The following HLCS variants were observed in gnomAD, a reference collection of about 807,000 sequenced individuals.
The protein encoded by HLCS is biotin--protein ligase.
Under a neutral mutation model 75.0 loss-of-function variants are expected in HLCS, and 53 were observed. The observed-to-expected ratio is 0.71, with a 90% CI of 0.57 to 0.89. HLCS has a LOEUF of 0.89. Among genes scored for constraint, HLCS ranks in the 40% least tolerant of loss-of-function variants. HLCS has a pLI of 0.00. For missense variants in HLCS, 966 were observed against 1,074.0 expected, an observed-to-expected ratio of 0.90 and a Z score of 1.41; for synonymous variants, 431 against 428.6, an observed-to-expected ratio of 1.01 and a Z score of -0.07.
chr21:36,853,358 T>C (rs1418892756), intron 6 of HLCS, among the ~76,000 whole-genome samples: 1 of 152,118 alleles, frequency 6.6e-6, no homozygotes, highest in African/African-American at 2.4e-5. Flanking sequence ...GGTGTAACTA[T>C]GGAAGGAAGT....
At chr21:36,873,192 A>T (rs1435682066) in intron 6 of HLCS, among the ~76,000 whole-genome samples, 2 of 151,678 alleles carry the variant, frequency 1.3e-5, no homozygotes, top group Non-Finnish European at 2.9e-5. Flanking sequence ...ATCTCGACTC[A>T]CTGCAACCTC....
chr21:36,858,081 C>T (rs1181594478), intron 6 of HLCS, among the ~76,000 whole-genome samples: 1 of 152,126 alleles, frequency 6.6e-6, no homozygotes, highest in African/African-American at 2.4e-5. Flanking sequence ...AGCCACTGCG[C>T]CTGGCCAGGA....
chr21:36,925,648 G>C (rs956250326), intron 5 of HLCS, among the ~76,000 whole-genome samples: 1 of 152,162 alleles, frequency 6.6e-6, no homozygotes, highest in Non-Finnish European at 1.5e-5. Context: ...GGTGGAGGGT[G>C]GGGGGCTGGC....
intron 6 of HLCS, among the ~76,000 whole-genome samples, chr21:36,834,389 G>A (rs1248829525): frequency 6.6e-6 from 1 of 152,208 alleles, no homozygotes. Context: ...GCATGTCCAA[G>A]TGTGACCAAG....
rs536676467 is a variant in HLCS at position 36,749,790 on chromosome 21, A to G, written c.*4456T>C. 2.0e-5 allele frequency: 3 copies of G among 152,288 alleles called. No homozygotes were observed. In the East Asian group the frequency reaches 5.8e-4, roughly 29 times the overall value. The allele number at this position is 152,288 out of a possible 1,614,324, so 9.4% of individuals were successfully genotyped here. A position where few individuals can be genotyped will look rare whatever the true frequency, so the allele number is the denominator to read the frequency against. On this transcript the variant is annotated 3_prime_UTR_variant, in exon 11 of 11. Transcript: ENST00000674895. ...GACATTTTTCAATAAAGTACTGCAAAATGCTTTTGTGTCTACCTTGTTATT... is the reference window on the plus strand; with the variant it reads ...GACATTTTTCAATAAAGTACTGCAAGATGCTTTTGTGTCTACCTTGTTATT...
intron 5 of HLCS, among the ~76,000 whole-genome samples, chr21:36,925,486 G>A (rs1310315814): frequency 6.6e-6 from 1 of 152,168 alleles, no homozygotes; most frequent in Non-Finnish European, 1.5e-5. Flanking sequence ...AGTTCCCCAA[G>A]GTAAAGGTGC....
rs566409309 is a variant in HLCS, at chr21:36,927,066, T to C, written c.1620+3185A>G. ...TGGCCCAGTCTTCTTTCTACGGAGA[T>C]AGGTGTGTGGTAAACGTGTGTTTGT... On this transcript the variant is annotated intron_variant, in intron 5 of 10. Transcript: ENST00000674895. 4.6e-5 allele frequency among the ~76,000 whole-genome samples: 7 copies of C among 152,298 alleles called. No individual in the cohort carries two copies. The East Asian group carries it at 7.7e-4, about 17-fold the overall frequency.
In HLCS at chr21:36,759,807, A is replaced by G; in HGVS notation, c.2156T>C (p.Ile719Thr). 1 of 1,613,436 alleles carries G rather than the reference A, an allele frequency of 6.2e-7. No individual in the cohort carries two copies. The highest frequency in any genetic ancestry group is 8.5e-7 in the Non-Finnish European group (1 of 1,179,346). Residue 719 changes from isoleucine to threonine, a missense_variant, in exon 9 of 11, where the codon ATT becomes ACT. Ile to Thr is a moderately conservative substitution (Grantham distance 89). Transcript: ENST00000674895. ...GATCTTCATGAGGTCACTGTAATAA[A>G]TATCGTTGGGCCACTTCACTCGTAA... ...INLRVKWPND[I>T]YYSDLMKIGG... is the part of the protein sequence containing the mutation.
intron 6 of HLCS, among the ~76,000 whole-genome samples, chr21:36,875,498 C>T (rs1278632107): frequency 1.3e-5 from 2 of 152,212 alleles, no homozygotes; most frequent in Admixed American, 1.3e-4. Flanking sequence ...AAAGGAGCTA[C>T]CCACCATGGG....
chr21:36,963,870 G>A (rs963942416), intron 1 of HLCS, among the ~76,000 whole-genome samples: 5 of 152,130 alleles, frequency 3.3e-5, no homozygotes, highest in African/African-American at 9.7e-5. Context: ...TTGATTGTAG[G>A]GCATTCAATT....
At chr21:36,818,958 G>T (rs892896257) in intron 6 of HLCS, among the ~76,000 whole-genome samples, 3 of 152,038 alleles carry the variant, frequency 2.0e-5, no homozygotes, top group Non-Finnish European at 2.9e-5. Flanking sequence ...AACAGCACAG[G>T]GTATGGCTGG....
rs2089317759 is a variant in HLCS at position 36,749,979 on chromosome 21, G to A, written c.*4267C>T. The A allele has an allele frequency of 6.6e-6, 1 of 152,194 alleles. No individual in the cohort carries two copies. The highest frequency in any genetic ancestry group is 1.5e-5 in the Non-Finnish European group (1 of 68,016). 9.4% of individuals were successfully genotyped at this position (152,194 alleles called of 1,614,324 possible). The stretch of plus-strand genomic sequence containing the variant: ...CTTGAAAATGTGTACTAGTGAAAAC[G>A]TCCTTGTCTAAACAAACTTCGTTTT... On this transcript the variant is annotated 3_prime_UTR_variant, in exon 11 of 11. Coordinates refer to ENST00000674895, the MANE Select transcript of HLCS (RefSeq NM_001352514.2).
At chr21:36,982,966 G>A (rs899805985) in intron 1 of HLCS, among the ~76,000 whole-genome samples, 1 of 152,066 alleles carries the variant, frequency 6.6e-6, no homozygotes, top group Admixed American at 6.5e-5. Flanking sequence ...AGGCGGAGGC[G>A]GAGGTTGCAG....
intron 6 of HLCS, among the ~76,000 whole-genome samples, chr21:36,790,025 C>T (rs1218374990): frequency 1.6e-4 from 24 of 152,326 alleles, no homozygotes. Flanking sequence ...CAAGAGGTTG[C>T]TCTAATGTAC....
chr21:36,962,712 G>C (rs552037204), intron 1 of HLCS, among the ~76,000 whole-genome samples: 1 of 149,626 alleles, frequency 6.7e-6, no homozygotes, highest in African/African-American at 2.5e-5. Context: ...AGGATCACTC[G>C]AGCCTGGGAG....
intron 6 of HLCS, among the ~76,000 whole-genome samples, chr21:36,792,443 A>G (rs1398089754): frequency 7.2e-6 from 1 of 139,344 alleles, no homozygotes; most frequent in Non-Finnish European, 1.6e-5. Context: ...TGATGATGAC[A>G]AGAAAAGGAG....
chr21:36,856,784 G>A (rs949708575), intron 6 of HLCS, among the ~76,000 whole-genome samples: 1 of 152,170 alleles, frequency 6.6e-6, no homozygotes, highest in African/African-American at 2.4e-5. Context: ...CTCAAGTTAT[G>A]AGGCGGGTAT....
upstream of HLCS, among the ~76,000 whole-genome samples, chr21:36,971,134 A>C (rs1264792352): frequency 6.6e-6 from 1 of 152,244 alleles, no homozygotes; most frequent in Non-Finnish European, 1.5e-5. Flanking sequence ...TAAAGAGAAA[A>C]GTAGACAATA....
chr21:36,776,028 C>T (rs2060347791), intron 6 of HLCS, among the ~76,000 whole-genome samples: 2 of 152,200 alleles, frequency 1.3e-5, no homozygotes, highest in Non-Finnish European at 2.9e-5. Context: ...CTCAGAAAGG[C>T]AAAACCACTG....
Sources: gnomAD v4.1 joint callset for allele counts (sites outside exome capture counted in the v4.1 genomes callset) on GRCh38, gnomAD v4.1.1 for gene constraint, MANE v1.5 for transcripts, NCBI Gene and HGNC (gene_info 2026-07-23, HGNC 2026-07-21) for gene names.